Variants in WNK4 observed in about 807,000 individuals in gnomAD.
The protein encoded by WNK4 is WNK lysine deficient protein kinase 4, also known as serine/threonine-protein kinase WNK4.
A neutral mutation model predicts 116.2 loss-of-function variants in WNK4; 94 were observed. The ratio of observed to expected loss-of-function variants is 0.81; its 90% CI spans 0.68 to 0.96. The LOEUF (loss-of-function observed/expected upper bound fraction) is 0.96. Among genes scored for constraint, WNK4 ranks in the 40% least tolerant of loss-of-function variants. The pLI, the probability that WNK4 is intolerant of heterozygous loss-of-function variation, is 0.00. For synonymous variants in WNK4, 655 were observed against 672.7 expected (o/e 0.97, Z 0.41); for missense variants, 1,542 against 1,650.6 (o/e 0.93, Z 1.14).
At chr17:42,796,421 C>T in intron 17 of WNK4, 60 bp from the exon 18 acceptor site, 1 of 1,613,800 alleles carries the variant, frequency 6.2e-7, no homozygotes, top group Non-Finnish European at 8.5e-7. Flanking sequence ...GGGAATAGAC[C>T]CCCTCTCCCC....
chr17:42,785,076 G>A (rs761164537), intron 4 of WNK4, 21 bp from the exon 5 acceptor site: 1 of 1,607,624 alleles, frequency 6.2e-7, no homozygotes. Flanking sequence ...GACGGGAGGT[G>A]TCATGCAACC....
rs373125368 is a variant in WNK4, at chr17:42,782,235, T to C, written c.619-523T>C. Among the ~76,000 whole-genome samples the C allele has an allele frequency of 1.3e-4, 19 of 151,980 alleles. No individual in the cohort carries two copies. Among genetic ancestry groups the C allele is most frequent in the African/African-American group, 3.9e-4 (16 of 41,360 alleles). ...GGGAGAGGAGCCGGGGCGGGACGAC[T>C]ATGGGGGTGGGCAGCCTCCTGGCGC... is the stretch of plus-strand genomic sequence containing the variant. On this transcript the variant is annotated intron_variant, in intron 1 of 18. Coordinates refer to ENST00000246914, the MANE Select transcript of WNK4 (RefSeq NM_032387.5). The surrounding 1 kb of genome is among the most constrained non-coding windows in gnomAD (Gnocchi z 4.2).
rs970358476 is a variant in WNK4, at chr17:42,780,649, C to T, written c.-50C>T. ...CCAGCGAGTCCGTCTGTCAGGCCGC[C>T]TCCTCTCCGGCCGTCTGATTTTCTA... On this transcript the variant is annotated 5_prime_UTR_variant, in exon 1 of 19. Transcript: ENST00000246914. 1 of 1,596,964 alleles carries T rather than the reference C, an allele frequency of 6.3e-7. No homozygotes were observed. Among genetic ancestry groups the T allele is most frequent in the South Asian group, 1.1e-5 (1 of 90,770 alleles).
At position 42,780,647 on chromosome 17, in the gene WNK4, G is replaced by A. The variant is rs1304295632; in HGVS notation, c.-52G>A. ...ACCCAGCGAGTCCGTCTGTCAGGCC[G>A]CCTCCTCTCCGGCCGTCTGATTTTC... On this transcript the variant is annotated 5_prime_UTR_variant, in exon 1 of 19. Transcript: ENST00000246914. The A allele has an allele frequency of 6.3e-7, 1 of 1,595,976 alleles. No individual in the cohort carries two copies. The highest frequency in any genetic ancestry group is 1.3e-5 in the African/African-American group (1 of 74,448).
Position 42,795,817 on chromosome 17 carries a change from A to G in WNK4, c.3215A>G (p.Glu1072Gly). The G allele has an allele frequency of 6.2e-7, 1 of 1,613,856 alleles. No homozygotes were observed. The highest frequency in any genetic ancestry group is 1.1e-5 in the South Asian group (1 of 91,078). Residue 1072 changes from glutamate to glycine, a missense_variant, in exon 16 of 19, where the codon GAG becomes GGG. By Grantham distance (98) the Glu-to-Gly change is moderately conservative. Around this residue, in one of 7 missense-constraint regions of WNK4, gnomAD observed 292 missense variants for 290.1 expected, o/e 1.01. Transcript: ENST00000246914. Reference sequence around the variant, plus strand: ...CCAGAGACCAGGGAAGCTCTGGCTGAGAGCGACCGTGCAGCTGAGGGTCTG... The same window carrying G: ...CCAGAGACCAGGGAAGCTCTGGCTGGGAGCGACCGTGCAGCTGAGGGTCTG... ...GGPETREALA[E>G]SDRAAEGLGA... is the part of the protein sequence containing the mutation.
Position 42,785,405 on chromosome 17 carries a change from C to G in WNK4, c.1399C>G (p.Arg467Gly). 1.0e-5 allele frequency: 16 copies of G among 1,574,644 alleles called. No homozygotes were observed. The highest frequency in any genetic ancestry group is 1.4e-5 in the Non-Finnish European group (16 of 1,159,896). ...CATGGAGGACGCGCGGCGCGGGGGGCGCCCACGGGACAACCAGGCCATCGA... is the reference window on the plus strand; with the variant it reads ...CATGGAGGACGCGCGGCGCGGGGGGGGCCCACGGGACAACCAGGCCATCGA... ...LRMEDARRGG[R>G]PRDNQAIEFL... Residue 467 changes from arginine to glycine, a missense_variant, in exon 6 of 19, where the codon CGC becomes GGC. Coordinates refer to ENST00000246914, the MANE Select transcript of WNK4 (RefSeq NM_032387.5).
chr17:42,780,728 C>T lies in WNK4; in HGVS notation c.30C>T (p.Thr10=). 6.2e-7 allele frequency: 1 copy of T among 1,609,078 alleles called. No individual in the cohort carries two copies. Among genetic ancestry groups the T allele is most frequent in the Non-Finnish European group, 8.5e-7 (1 of 1,179,534 alleles). The change falls in exon 1 of 19, where the codon ACC becomes ACT. Residue 10 remains threonine, a synonymous_variant. Coordinates refer to ENST00000246914, the MANE Select transcript of WNK4 (RefSeq NM_032387.5). The stretch of plus-strand genomic sequence containing the variant: ...TGGCATCCCCGGCCACGGAGACCAC[C>T]GTCCTCATGTCCCAGACTGAGGCCG... MLASPATET[T]VLMSQTEADL...
rs367565094 is a variant in WNK4 at position 42,795,969 on chromosome 17, G to A, written c.3367G>A (p.Glu1123Lys). The change falls in exon 16 of 19, where the codon GAG becomes AAG. Residue 1123 changes from glutamate to lysine, a missense_variant. By Grantham distance (56) the Glu-to-Lys change is moderately conservative. Coordinates refer to ENST00000246914, the MANE Select transcript of WNK4 (RefSeq NM_032387.5). ...YSYSSLCLSS[E>K]ESESSGEDEE... is the part of the protein sequence containing the mutation. ...CTACAGCAGCCTGTGTTTGAGCAGC[G>A]AGGAGTCAGAAAGCAGTGGGGAAGA... 13 of 1,613,488 alleles carry A rather than the reference G, an allele frequency of 8.1e-6. No individual in the cohort carries two copies. Among genetic ancestry groups the A allele is most frequent in the Admixed American group, 1.7e-5 (1 of 60,014 alleles).
rs368190514 is a variant in WNK4 at position 42,788,167 on chromosome 17, G to C, written c.1901G>C (p.Ser634Thr). 3 of 1,614,074 alleles carry C rather than the reference G, an allele frequency of 1.9e-6. No individual in the cohort carries two copies. Among genetic ancestry groups the C allele is most frequent in the East Asian group, 2.2e-5 (1 of 44,890 alleles). ...TCCATTCCACGTTCTGGCCCTGGAA[G>C]TGACTTTTCCCCCGGGGACAGGTAT... ...ALSIPRSGPG[S>T]DFSPGDSYAS... Residue 634 changes from serine (S) to threonine (T), a missense_variant, in exon 9 of 19, where the codon AGT becomes ACT. Around this residue, in one of 7 missense-constraint regions of WNK4, gnomAD observed 808 missense variants for 873.6 expected, o/e 0.92. Coordinates refer to ENST00000246914, the MANE Select transcript of WNK4 (RefSeq NM_032387.5).
Position 42,784,058 on chromosome 17 carries a change from T to A in WNK4, c.913T>A (p.Cys305Ser). The A allele has an allele frequency of 1.2e-6, 2 of 1,613,796 alleles. No individual in the cohort carries two copies. Among genetic ancestry groups the A allele is most frequent in the Non-Finnish European group, 1.7e-6 (2 of 1,180,032 alleles). Reference sequence around the variant, plus strand: ...TCCCATCCTGCACCGGGATCTCAAGTGCGACAATGTCTTTATCACGGGACC... The same window carrying A: ...TCCCATCCTGCACCGGGATCTCAAGAGCGACAATGTCTTTATCACGGGACC... ...VPPILHRDLKCDNVFITGPTG... is the reference protein window; with the variant it reads ...VPPILHRDLKSDNVFITGPTG... The change falls in exon 3 of 19, where the codon TGC becomes AGC. Residue 305 changes from cysteine (C) to serine (S), a missense_variant. Around this residue, in one of 7 missense-constraint regions of WNK4, gnomAD observed 808 missense variants for 873.6 expected, o/e 0.92. Transcript: ENST00000246914. The surrounding 1 kb of genome is among the most constrained non-coding windows in gnomAD (Gnocchi z 4.4).
intron 12 of WNK4, chr17:42,794,271 T>G: frequency 2.5e-6 from 1 of 394,394 alleles, no homozygotes. Flanking sequence ...AATTTCAGAC[T>G]TGTGGAGAGA....
chr17:42,787,835 CT>C lies in WNK4; in HGVS notation c.1800del (p.Ala601ProfsTer60), dbSNP rs61755595. On this transcript the variant is annotated frameshift_variant, in exon 8 of 19. Coordinates refer to ENST00000246914, the MANE Select transcript of WNK4 (RefSeq NM_032387.5). LOFTEE classifies it high-confidence loss of function. ...TCCGGCTTCCTGGATGCCTCAGACC[CT>C]GCCCTTCAGCCCCCTGGGGGGGTGC... is the stretch of plus-strand genomic sequence containing the variant. The part of the protein sequence containing the change: ...SSSGFLDASD[P>X]ALQPPGGVPS... 576 of 1,612,580 alleles carry C rather than the reference CT, an allele frequency of 3.6e-4. No homozygotes were observed. Among genetic ancestry groups the C allele is most frequent in the Non-Finnish European group, 4.5e-4 (534 of 1,180,020 alleles).
At position 42,782,132 on chromosome 17, in the gene WNK4, G is replaced by A. The variant is rs61754339; in HGVS notation, c.619-626G>A. ...CCTCTCCAGCCCTGGCACAGGGCTC[G>A]CCCCTTGCGCCTGCCAGTGCCGCGC... On this transcript the variant is annotated intron_variant, in intron 1 of 18. Coordinates refer to ENST00000246914, the MANE Select transcript of WNK4 (RefSeq NM_032387.5). The surrounding 1 kb of genome is among the most constrained non-coding windows in gnomAD (Gnocchi z 4.2). 7.5e-4 allele frequency among the ~76,000 whole-genome samples: 114 copies of A among 151,670 alleles called. No homozygotes were observed. Among genetic ancestry groups the A allele is most frequent in the Middle Eastern group, 3.4e-3 (1 of 294 alleles).
chr17:42,784,443 C>G lies in WNK4; in HGVS notation c.1034C>G (p.Pro345Arg). The G allele has an allele frequency of 6.2e-7, 1 of 1,613,824 alleles. No individual in the cohort carries two copies. Among genetic ancestry groups the G allele is most frequent in the Non-Finnish European group, 8.5e-7 (1 of 1,179,906 alleles). The change falls in exon 4 of 19, where the codon CCC becomes CGC. Residue 345 changes from proline to arginine, a missense_variant. By Grantham distance (103) the Pro-to-Arg change is moderately radical. Coordinates refer to ENST00000246914, the MANE Select transcript of WNK4 (RefSeq NM_032387.5). This position sits in a 1 kb window ranked among gnomAD's most constrained non-coding sequence, Gnocchi z 4.4. ...ACAGGGACCCCGGAATTCATGGCCC[C>G]CGAGATGTACGAGGAAAAGTACGAT... Reference protein sequence around the residue: ...SVIGTPEFMAPEMYEEKYDEA... With the variant: ...SVIGTPEFMAREMYEEKYDEA...
At chr17:42,794,528 G>A (rs2054640224) in intron 12 of WNK4, 86 bp from the exon 13 acceptor site, 1 of 1,452,766 alleles carries the variant, frequency 6.9e-7, no homozygotes, top group Non-Finnish European at 9.6e-7. Context: ...AGGTTCATGG[G>A]TCCTAGCTTA....
Position 42,795,136 on chromosome 17 carries a change from C to A in WNK4, c.2715C>A (p.Phe905Leu). 1 of 1,614,094 alleles carries A rather than the reference C, an allele frequency of 6.2e-7. No homozygotes were observed. The highest frequency in any genetic ancestry group is 8.5e-7 in the Non-Finnish European group (1 of 1,179,996). The change falls in exon 14 of 19, where the codon TTC (phenylalanine) becomes TTA (leucine). Residue 905 changes from phenylalanine (F) to leucine (L), a missense_variant. This residue lies in a region of WNK4 where 292 missense variants were observed against 290.1 expected (regional missense o/e 1.01). Coordinates refer to ENST00000246914, the MANE Select transcript of WNK4 (RefSeq NM_032387.5). Reference sequence around the variant, plus strand: ...CTCAGGTCACTCTTAGTTCCCCTTTCTTTCCTCCGTGCCCCTCCACTTCTT... The same window carrying A: ...CTCAGGTCACTCTTAGTTCCCCTTTATTTCCTCCGTGCCCCTCCACTTCTT... ...TCSQVTLSSP[F>L]FPPCPSTSSF...
In WNK4 at chr17:42,784,246, C is replaced by A; in HGVS notation, c.1012+89C>A. ...ACTCCCTCCCCTCAGCAAGGGCCTT[C>A]AAGGTCCACAAAACTACCAGACGAC... On this transcript the variant is annotated intron_variant, in intron 3 of 18. Coordinates refer to ENST00000246914, the MANE Select transcript of WNK4 (RefSeq NM_032387.5). The surrounding 1 kb of genome is among the most constrained non-coding windows in gnomAD (Gnocchi z 4.4). The A allele has an allele frequency of 6.4e-7, 1 of 1,570,406 alleles. No homozygotes were observed. The highest frequency in any genetic ancestry group is 8.7e-7 in the Non-Finnish European group (1 of 1,148,962).
At chr17:42,791,611 C>T (rs540080010) in intron 11 of WNK4, among the ~76,000 whole-genome samples, 6 of 151,352 alleles carry the variant, frequency 4.0e-5, no homozygotes, top group African/African-American at 1.2e-4. Flanking sequence ...TGCACTCCAG[C>T]CTGGGCAACA....
At chr17:42,783,793 G>GC in intron 2 of WNK4, 144 bp from the exon 3 acceptor site, 1 of 785,816 alleles carries the variant, frequency 1.3e-6, no homozygotes, top group South Asian at 1.5e-5. Context: ...TCTCCCTGGG[G>GC]CCGGGCAGAC....
Sources: allele counts gnomAD v4.1 joint callset (sites outside exome capture counted in the v4.1 genomes callset), GRCh38; gene constraint gnomAD v4.1.1; regional missense constraint gnomAD v4.1.1; non-coding constraint Gnocchi (gnomAD v3.1); transcripts MANE v1.5; gene names NCBI Gene and HGNC (gene_info 2026-07-23, HGNC 2026-07-21).